The following PPM1H variants were observed in gnomAD, a reference collection of about 807,000 sequenced individuals.
PPM1H encodes protein phosphatase 1H.
PPM1H carries 27 observed loss-of-function variants against 54.9 expected under a neutral mutation model. The observed-to-expected ratio is 0.49, with a 90% CI of 0.36 to 0.68. The LOEUF (loss-of-function observed/expected upper bound fraction) is 0.68. Ranked by LOEUF, PPM1H falls within the 30% of genes least tolerant of loss-of-function variation. The probability of loss-of-function intolerance (pLI) is 0.00; values close to 1 mark genes in which losing one functional copy is unlikely to be tolerated. For missense variants in PPM1H, 596 were observed against 667.8 expected (o/e 0.89, Z 1.19); for synonymous variants, 305 against 270.8 (o/e 1.13, Z -1.24).
chr12:62,727,866 G>A (rs572725174), intron 5 of PPM1H, among the ~76,000 whole-genome samples: 16 of 151,750 alleles, frequency 1.1e-4, no homozygotes, highest in African/African-American at 3.9e-4. Flanking sequence ...TCACCATGTT[G>A]GCCAGGCTGG....
chr12:62,899,082 C>A lies in PPM1H; in HGVS notation c.245+35410G>T, dbSNP rs140881256. ...ATATTAACAGTAATACGTGTTATTA[C>A]AGTCATATTCTAGTTCCTTAATTTA... On this transcript the variant is annotated intron_variant, in intron 1 of 9. Transcript: ENST00000228705. 1.9e-3 allele frequency among the ~76,000 whole-genome samples: 289 copies of A among 152,312 alleles called. 2 individuals carry two copies. The highest frequency in any genetic ancestry group is 6.3e-3 in the African/African-American group (263 of 41,558).
chr12:62,773,556 A>C (rs2076591389), intron 4 of PPM1H, among the ~76,000 whole-genome samples: 1 of 152,194 alleles, frequency 6.6e-6, no homozygotes, highest in African/African-American at 2.4e-5. Context: ...GCAGGATGTA[A>C]TATCAAGGGA....
chr12:62,716,184 G>T (rs145895896), intron 6 of PPM1H, among the ~76,000 whole-genome samples: 5 of 152,250 alleles, frequency 3.3e-5, no homozygotes, highest in South Asian at 2.1e-4. Flanking sequence ...TGGGAGTAAG[G>T]GGGGGTCATT....
intron 1 of PPM1H, among the ~76,000 whole-genome samples, chr12:62,932,628 C>CTATTTTTTTTTT (rs1872176806): frequency 1.9e-5 from 1 of 54,012 alleles, no homozygotes; most frequent in Non-Finnish European, 3.2e-5. Flanking sequence ...TCCAAATGGG[C>CTATTTTTTTTTT]TTTTTTTTTT....
intron 1 of PPM1H, among the ~76,000 whole-genome samples, chr12:62,842,853 G>T (rs1868806876): frequency 6.6e-6 from 1 of 152,204 alleles, no homozygotes; most frequent in African/African-American, 2.4e-5. Context: ...AGAGCAGAGA[G>T]ACTCTGGAAC....
At chr12:62,732,756 T>A (rs1370744752) in intron 5 of PPM1H, among the ~76,000 whole-genome samples, 5 of 151,934 alleles carry the variant, frequency 3.3e-5, no homozygotes, top group African/African-American at 7.3e-5. Context: ...GTATTTTTAG[T>A]AGGGACGGGG....
At chr12:62,862,013 T>G (rs1028153420) in intron 1 of PPM1H, among the ~76,000 whole-genome samples, 1 of 152,224 alleles carries the variant, frequency 6.6e-6, no homozygotes, top group Non-Finnish European at 1.5e-5. Flanking sequence ...AAATAATGCT[T>G]ATGCGCAAAT....
At chr12:62,884,244 T>A (rs1251710486) in intron 1 of PPM1H, among the ~76,000 whole-genome samples, 1 of 151,754 alleles carries the variant, frequency 6.6e-6, no homozygotes, top group Non-Finnish European at 1.5e-5. Context: ...TCCCAGCACT[T>A]GAGAGGCTGA....
intron 5 of PPM1H, among the ~76,000 whole-genome samples, chr12:62,736,893 G>A (rs1470724485): frequency 6.6e-6 from 1 of 152,196 alleles, no homozygotes; most frequent in African/African-American, 2.4e-5. Context: ...TGAAGACAAG[G>A]AAGTGAGTCT....
chr12:62,879,464 G>C (rs1418344464), intron 1 of PPM1H, among the ~76,000 whole-genome samples: 1 of 152,142 alleles, frequency 6.6e-6, no homozygotes, highest in East Asian at 1.9e-4. Flanking sequence ...CCTTTTTAGG[G>C]ACACGGATGA....
At chr12:62,752,746 A>T (rs1388233171) in intron 4 of PPM1H, among the ~76,000 whole-genome samples, 3 of 152,232 alleles carry the variant, frequency 2.0e-5, no homozygotes, top group African/African-American at 7.2e-5. Flanking sequence ...CCAAGTAAAA[A>T]ATGAGTCTGA....
intron 1 of PPM1H, among the ~76,000 whole-genome samples, chr12:62,858,343 A>G (rs1013658696): frequency 6.6e-6 from 1 of 152,168 alleles, no homozygotes; most frequent in African/African-American, 2.4e-5. Flanking sequence ...ACAGGCACCA[A>G]TTGAGATTGG....
intron 9 of PPM1H, among the ~76,000 whole-genome samples, chr12:62,650,895 G>A (rs1054241891): frequency 3.9e-5 from 6 of 152,032 alleles, no homozygotes; most frequent in Admixed American, 2.0e-4. Flanking sequence ...GATTTGGGTG[G>A]GGACACAGAG....
chr12:62,685,173 C>T (rs564292316), intron 8 of PPM1H, among the ~76,000 whole-genome samples: 10 of 152,284 alleles, frequency 6.6e-5, no homozygotes, highest in African/African-American at 2.4e-4. Flanking sequence ...TTGCACAATT[C>T]TGTCTGGTCT....
At chr12:62,908,422 A>AAAAAAAAAAAAAAAAG (rs1284923713) in intron 1 of PPM1H, among the ~76,000 whole-genome samples, 18 of 134,270 alleles carry the variant, frequency 1.3e-4, no homozygotes, top group Non-Finnish European at 2.4e-4. Flanking sequence ...AAAAAAAAAA[A>AAAAAAAAAAAAAAAAG]AAAGAAAGAA....
At chr12:62,852,438 A>G (rs1869231361) in intron 1 of PPM1H, among the ~76,000 whole-genome samples, 1 of 152,098 alleles carries the variant, frequency 6.6e-6, no homozygotes, top group Non-Finnish European at 1.5e-5. Flanking sequence ...TGGCACCCTG[A>G]TCTGACTTCC....
intron 3 of PPM1H, among the ~76,000 whole-genome samples, chr12:62,795,723 C>T (rs539668324): frequency 2.0e-5 from 3 of 151,560 alleles, no homozygotes; most frequent in South Asian, 2.1e-4. Context: ...TGAGCCACCA[C>T]GCCCAGCCTT....
At chr12:62,877,096 G>T (rs1870201070) in intron 1 of PPM1H, among the ~76,000 whole-genome samples, 1 of 152,118 alleles carries the variant, frequency 6.6e-6, no homozygotes, top group African/African-American at 2.4e-5. Flanking sequence ...CCTAGGGTAC[G>T]CATATTTTGC....
chr12:62,907,234 TG>T, intron 1 of PPM1H, among the ~76,000 whole-genome samples: 1 of 152,314 alleles, frequency 6.6e-6, no homozygotes, highest in South Asian at 2.1e-4. Context: ...ACAAAGCAAA[TG>T]GCACTCACTG....
Sources: gnomAD v4.1 joint callset for allele counts (sites outside exome capture counted in the v4.1 genomes callset) on GRCh38, gnomAD v4.1.1 for gene constraint, MANE v1.5 for transcripts, NCBI Gene and HGNC (gene_info 2026-07-23, HGNC 2026-07-21) for gene names.